PNN: variants seen among roughly 807,000 people sequenced by gnomAD.
PNN encodes the protein pinin.
In PNN, 38 loss-of-function variants were observed where a neutral mutation model predicts 76.6. The observed-to-expected ratio is 0.50, with a 90% confidence interval of 0.38 to 0.65. The LOEUF (loss-of-function observed/expected upper bound fraction) is 0.65, where lower values mean the gene tolerates loss of function less well. Among genes scored for constraint, PNN ranks in the 30% least tolerant of loss-of-function variants. PNN has a pLI of 0.00. For synonymous variants in PNN, 366 were observed against 283.7 expected (o/e 1.29, Z -2.91); for missense variants, 873 against 874.1 (o/e 1.00, Z 0.02).
chr14:39,178,970 TA>T, intron 6 of PNN, 120 bp from the exon 7 acceptor site: 1 of 879,826 alleles, frequency 1.1e-6, no homozygotes, highest in Non-Finnish European at 1.7e-6. Context: ...TACCTGCCTC[TA>T]ATGTTTCACG....
chr14:39,182,960 A>G lies in PNN; in HGVS notation c.*1097A>G, dbSNP rs1349778232. 1.3e-5 allele frequency: 2 copies of G among 152,650 alleles called. No homozygotes were observed. Among genetic ancestry groups the G allele is most frequent in the Non-Finnish European group, 2.9e-5 (2 of 68,032 alleles). The allele number at this position is 152,650 out of a possible 1,614,324, so 9.5% of individuals were successfully genotyped here. A position where few individuals can be genotyped will look rare whatever the true frequency, so the allele number is the denominator to read the frequency against. On this transcript the variant is annotated 3_prime_UTR_variant, in exon 9 of 9. Coordinates refer to ENST00000216832, the MANE Select transcript of PNN (RefSeq NM_002687.4). ...ACTTGTGTGACTGCTTAAGACTAGT[A>G]CTTGTATTAACTTTCTGATGCTTTA...
chr14:39,180,422 C>T (rs938328082), intron 8 of PNN, 81 bp from the exon 9 acceptor site: 9 of 1,398,958 alleles, frequency 6.4e-6, no homozygotes, highest in Middle Eastern at 2.5e-4. Flanking sequence ...AGCTTAATGA[C>T]AATTTGTGAC....
At position 39,181,733 on chromosome 14, in the gene PNN, C is replaced by A; in HGVS notation, c.2024C>A (p.Thr675Lys). Residue 675 changes from threonine (T) to lysine (K), a missense_variant, in exon 9 of 9, where the codon ACA (threonine) becomes AAA (lysine). Transcript: ENST00000216832. ...KSSKGGSSRD[T>K]KGSKDKNSRS... ...TCAAAAGGTGGTAGTAGTAGAGATA[C>A]AAAAGGATCAAAGGATAAGAATTCC... 2.5e-6 allele frequency: 4 copies of A among 1,614,046 alleles called. No homozygotes were observed. Among genetic ancestry groups the A allele is most frequent in the Non-Finnish European group, 3.4e-6 (4 of 1,179,986 alleles).
chr14:39,175,718 G>C (rs1484904618), intron 1 of PNN: 2 of 464,586 alleles, frequency 4.3e-6, no homozygotes, highest in African/African-American at 2.0e-5. Flanking sequence ...TTCCCGCTCC[G>C]GCGGACACCC....
In PNN at chr14:39,177,379, C is replaced by T. The variant is rs1239180867; in HGVS notation, c.255-33C>T. 6 of 1,585,378 alleles carry T rather than the reference C, an allele frequency of 3.8e-6. No individual in the cohort carries two copies. The Admixed American group carries it at 5.1e-5, about 14-fold the overall frequency. On this transcript the variant is annotated intron_variant, in intron 3 of 8. Coordinates refer to ENST00000216832, the MANE Select transcript of PNN (RefSeq NM_002687.4). ...TCAGCCTGGGTGGTATAGTGAAACCCTGTCTCAAAAAAATTAATATTTTCT... is the reference window on the plus strand; with the variant it reads ...TCAGCCTGGGTGGTATAGTGAAACCTTGTCTCAAAAAAATTAATATTTTCT...
Position 39,176,128 on chromosome 14 carries a change from G to C in PNN, c.164G>C (p.Gly55Ala). The C allele has an allele frequency of 1.2e-6, 2 of 1,604,550 alleles. No homozygotes were observed. Among genetic ancestry groups the C allele is most frequent in the Non-Finnish European group, 1.7e-6 (2 of 1,171,322 alleles). Residue 55 changes from glycine (G) to alanine (A), a missense_variant, in exon 2 of 9, where the codon GGA (glycine) becomes GCA (alanine). This residue lies in a region of PNN where 156 missense variants were observed against 161.7 expected (regional missense o/e 0.96). Transcript: ENST00000216832. ...LALSGPGGGR[G>A]RGSLLLRRGF... is the part of the protein sequence containing the mutation. ...CTTTCTGGTCCTGGTGGAGGTAGAG[G>C]ACGTGGTAGTTTATTACTGAGGTAA...
chr14:39,176,338 TAA>T (rs1370082912), intron 2 of PNN, 187 bp from the exon 3 acceptor site: 2 of 634,388 alleles, frequency 3.2e-6, no homozygotes, highest in Non-Finnish European at 5.5e-6. Flanking sequence ...AAGAATATAT[TAA>T]GTTTACCAAT....
At chr14:39,178,891 A>G in intron 6 of PNN, 200 bp from the exon 7 acceptor site, 1 of 519,234 alleles carries the variant, frequency 1.9e-6, no homozygotes, top group Non-Finnish European at 3.4e-6. Context: ...GGTGCGTGCA[A>G]CCACGCCCTG....
intron 5 of PNN, 64 bp downstream of exon 5, chr14:39,177,751 G>T (rs2053240068): frequency 6.9e-7 from 1 of 1,455,492 alleles, no homozygotes; most frequent in African/African-American, 1.4e-5. Flanking sequence ...TCAAGGGATT[G>T]TTCAAGCATC....
rs766586454 is a variant in PNN, at chr14:39,176,536, C to T, written c.195C>T (p.Phe65=). 4.4e-6 allele frequency: 7 copies of T among 1,606,340 alleles called. No individual in the cohort carries two copies. In the South Asian group the frequency reaches 5.6e-5, roughly 13 times the overall value. The change falls in exon 3 of 9, where the codon TTC becomes TTT. Residue 65 remains phenylalanine, a synonymous_variant. Transcript: ENST00000216832. ...ACATTTTAAATTTCAGGCGTGGATTCTCAGATAGTGGAGGAGGACCCCCAG... is the reference window on the plus strand; with the variant it reads ...ACATTTTAAATTTCAGGCGTGGATTTTCAGATAGTGGAGGAGGACCCCCAG... ...GRGSLLLRRG[F]SDSGGGPPAK...
chr14:39,180,982 T>C lies in PNN; in HGVS notation c.1273T>C (p.Leu425=). The part of the protein sequence containing the change: ...EPSENEASKE[L]EPEMEFEIEP... ...TTCAGAAAATGAAGCTAGCAAAGAATTGGAACCAGAAATGGAATTTGAAAT... is the reference window on the plus strand; with the variant it reads ...TTCAGAAAATGAAGCTAGCAAAGAACTGGAACCAGAAATGGAATTTGAAAT... Residue 425 remains leucine, a synonymous_variant, in exon 9 of 9, where the codon TTG becomes CTG. Transcript: ENST00000216832. 6.2e-7 allele frequency: 1 copy of C among 1,613,548 alleles called. No individual in the cohort carries two copies. The highest frequency in any genetic ancestry group is 1.1e-5 in the South Asian group (1 of 90,944).
At chr14:39,177,820 T>A in intron 5 of PNN, 21 bp from the exon 6 acceptor site, 3 of 1,586,898 alleles carry the variant, frequency 1.9e-6, no homozygotes, top group Non-Finnish European at 2.6e-6. Flanking sequence ...TGACAGTAAA[T>A]TTTCTTATTC....
Position 39,180,957 on chromosome 14 carries a change from T to C in PNN, c.1248T>C (p.Pro416=), listed in dbSNP as rs952613487. ...CTAATCGAGTTGAAAGTGTAGAACC[T>C]TCAGAAAATGAAGCTAGCAAAGAAT... ...METNRVESVE[P]SENEASKELE... Residue 416 remains proline (P), a synonymous_variant, in exon 9 of 9, where the codon CCT becomes CCC. Transcript: ENST00000216832. The C allele has an allele frequency of 9.3e-6, 15 of 1,613,716 alleles. No individual in the cohort carries two copies. The highest frequency in any genetic ancestry group is 1.2e-5 in the Non-Finnish European group (14 of 1,179,920).
intron 8 of PNN, among the ~76,000 whole-genome samples, chr14:39,180,283 G>T (rs2053259777): frequency 6.6e-6 from 1 of 152,160 alleles, no homozygotes; most frequent in Non-Finnish European, 1.5e-5. Context: ...AAAATGTGTA[G>T]TTCTGTCTGC....
intron 1 of PNN, chr14:39,175,664 C>A: frequency 1.0e-5 from 5 of 500,444 alleles, no homozygotes; most frequent in South Asian, 7.0e-5. Context: ...ACTGCTGATT[C>A]CCGCTCTCGG....
At chr14:39,179,577 C>T (rs2737725) in intron 8 of PNN, 115 bp downstream of exon 8, 9 of 747,280 alleles carry the variant, frequency 1.2e-5, no homozygotes, top group Non-Finnish European at 8.1e-6. Context: ...GCTGTGTTTG[C>T]TTTTTTTTTT....
In PNN at chr14:39,180,925, A is replaced by G; in HGVS notation, c.1216A>G (p.Met406Val). Residue 406 changes from methionine (M) to valine (V), a missense_variant, in exon 9 of 9, where the codon ATG (methionine) becomes GTG (valine). Met to Val is a conservative substitution (Grantham distance 21). Coordinates refer to ENST00000216832, the MANE Select transcript of PNN (RefSeq NM_002687.4). ...VKHVIADQEVMETNRVESVEP... is the reference protein window; with the variant it reads ...VKHVIADQEVVETNRVESVEP... ...ACATGTAATTGCTGACCAGGAGGTA[A>G]TGGAAACTAATCGAGTTGAAAGTGT... is the stretch of plus-strand genomic sequence containing the variant. 1 of 1,614,190 alleles carries G rather than the reference A, an allele frequency of 6.2e-7. No homozygotes were observed. The highest frequency in any genetic ancestry group is 1.6e-4 in the Middle Eastern group (1 of 6,062).
At chr14:39,178,959 C>T in intron 6 of PNN, 132 bp from the exon 7 acceptor site, 1 of 784,442 alleles carries the variant, frequency 1.3e-6, no homozygotes, top group Non-Finnish European at 2.0e-6. Flanking sequence ...TTCAGATGAT[C>T]TACCTGCCTC....
chr14:39,177,469 T>G lies in PNN; in HGVS notation c.312T>G (p.Asp104Glu). ...RESRQESDPE[D>E]DDVKKPALQS... The stretch of plus-strand genomic sequence containing the variant: ...CACGCCAGGAAAGCGACCCGGAGGA[T>G]GATGATGTTAAAAAGGTATTGAGAT... The change falls in exon 4 of 9, where the codon GAT becomes GAG. Residue 104 changes from aspartate to glutamate, a missense_variant. Asp to Glu is a conservative substitution (Grantham distance 45). Transcript: ENST00000216832. 1.2e-6 allele frequency: 2 copies of G among 1,613,842 alleles called. No individual in the cohort carries two copies. Among genetic ancestry groups the G allele is most frequent in the Admixed American group, 1.7e-5 (1 of 60,020 alleles).
Sources: gnomAD v4.1 joint callset for allele counts (sites outside exome capture counted in the v4.1 genomes callset) on GRCh38, gnomAD v4.1.1 for gene constraint, gnomAD v4.1.1 regional missense constraint, MANE v1.5 for transcripts, NCBI Gene and HGNC (gene_info 2026-07-23, HGNC 2026-07-21) for gene names.